The following NUP133 variants were observed in gnomAD, a reference collection of about 807,000 sequenced individuals.
The protein encoded by NUP133 is nuclear pore complex protein Nup133.
A neutral mutation model predicts 146.2 loss-of-function variants in NUP133; 66 were observed. The ratio of observed to expected loss-of-function variants is 0.45; its 90% CI spans 0.37 to 0.55. The LOEUF is 0.55. NUP133 is among the 20% of genes least tolerant of loss of function. The pLI, the probability that NUP133 is intolerant of heterozygous loss-of-function variation, is 0.00. For missense variants in NUP133, 1,277 were observed against 1,374.8 expected, an observed-to-expected ratio of 0.93 and a Z score of 1.12; for synonymous variants, 521 against 498.8, an observed-to-expected ratio of 1.04 and a Z score of -0.59.
chr1:229,487,272 T>C (rs1482738934), intron 10 of NUP133, among the ~76,000 whole-genome samples, 194 bp downstream of exon 10: 4 of 152,198 alleles, frequency 2.6e-5, no homozygotes, highest in Admixed American at 1.3e-4. Context: ...TCTGTAAATA[T>C]AATAGTTTGG....
At chr1:229,447,314 A>G (rs1432438866) in intron 24 of NUP133, among the ~76,000 whole-genome samples, 1 of 152,196 alleles carries the variant, frequency 6.6e-6, no homozygotes. Flanking sequence ...AATTTTCATA[A>G]TATGTATGTT....
chr1:229,447,081 G>A (rs1660318649), intron 24 of NUP133, among the ~76,000 whole-genome samples: 1 of 152,074 alleles, frequency 6.6e-6, no homozygotes, highest in African/African-American at 2.4e-5. Context: ...CCGAGACTGT[G>A]CCATTGCACT....
At chr1:229,463,366 C>T (rs899217237) in intron 19 of NUP133, among the ~76,000 whole-genome samples, 177 bp downstream of exon 19, 1 of 152,130 alleles carries the variant, frequency 6.6e-6, no homozygotes, top group Non-Finnish European at 1.5e-5. Context: ...TGTGATCTCG[C>T]TACTGGACAA....
At chr1:229,446,955 T>A (rs1183012013) in intron 24 of NUP133, among the ~76,000 whole-genome samples, 1 of 151,794 alleles carries the variant, frequency 6.6e-6, no homozygotes, top group Non-Finnish European at 1.5e-5. Context: ...AGAAACCCTG[T>A]CTCTACTAAA....
chr1:229,458,330 T>G, intron 20 of NUP133, 34 bp from the exon 21 acceptor site: 4 of 1,596,304 alleles, frequency 2.5e-6, no homozygotes, highest in Non-Finnish European at 3.4e-6. Context: ...CGTAAGATAC[T>G]GAGTACCAAT....
intron 5 of NUP133, 44 bp downstream of exon 5, chr1:229,499,640 A>T: frequency 1.9e-6 from 3 of 1,563,730 alleles, no homozygotes; most frequent in Non-Finnish European, 2.6e-6. Flanking sequence ...TTCCAAGCCA[A>T]ATCACAGCTT....
In NUP133 at chr1:229,508,215, C is replaced by A; in HGVS notation, c.35G>T (p.Gly12Val). The change falls in exon 1 of 26, where the codon GGT becomes GTT. Residue 12 changes from glycine (G) to valine (V), a missense_variant. Transcript: ENST00000261396. ...FPAAPSPRTP[G>V]TGSRRGPLAG... ...CAGCGGGCCCCTTCGGGACCCGGTACCCGGGGTCCGCGGAGAAGGGGCGGC... is the reference window on the plus strand; with the variant it reads ...CAGCGGGCCCCTTCGGGACCCGGTAACCGGGGTCCGCGGAGAAGGGGCGGC... 6.4e-7 allele frequency: 1 copy of A among 1,551,054 alleles called. No homozygotes were observed. Among genetic ancestry groups the A allele is most frequent in the African/African-American group, 1.4e-5 (1 of 71,928 alleles).
At chr1:229,479,930 C>G (rs1038245902) in intron 12 of NUP133, among the ~76,000 whole-genome samples, 3 of 152,128 alleles carry the variant, frequency 2.0e-5, no homozygotes, top group African/African-American at 7.2e-5. Flanking sequence ...AAAGACTGGT[C>G]TTTTTACAAA....
chr1:229,459,970 T>A (rs183666920), intron 20 of NUP133, among the ~76,000 whole-genome samples: 1 of 152,264 alleles, frequency 6.6e-6, no homozygotes, highest in African/African-American at 2.4e-5. Flanking sequence ...CTAACTTACA[T>A]CCCCACCAAG....
At chr1:229,471,435 G>A (rs979120154) in intron 14 of NUP133, among the ~76,000 whole-genome samples, 3 of 152,066 alleles carry the variant, frequency 2.0e-5, no homozygotes, top group African/African-American at 7.2e-5. Context: ...CCCTTTACTA[G>A]CTGTATCAAT....
Position 229,440,330 on chromosome 1 carries a change from A to T in NUP133, c.*1574T>A, listed in dbSNP as rs1170627647. 6.6e-6 allele frequency: 1 copy of T among 152,200 alleles called. No homozygotes were observed. Among genetic ancestry groups the T allele is most frequent in the Non-Finnish European group, 1.5e-5 (1 of 68,042 alleles). 9.4% of individuals were successfully genotyped at this position (152,200 alleles called of 1,614,324 possible). A position where few individuals can be genotyped will look rare whatever the true frequency, so the allele number is the denominator to read the frequency against. ...CAACCATTTGGGTGTAATAGCTACT[A>T]ACTTAGAGAGAAACAGGATTAAAAG... On this transcript the variant is annotated 3_prime_UTR_variant, in exon 26 of 26. Coordinates refer to ENST00000261396, the MANE Select transcript of NUP133 (RefSeq NM_018230.3).
intron 22 of NUP133, 28 bp from the exon 23 acceptor site, chr1:229,450,633 A>G (rs778821894): frequency 2.5e-6 from 3 of 1,184,876 alleles, no homozygotes; most frequent in Non-Finnish European, 3.7e-6. Context: ...AAGGTAGAAG[A>G]TTATACAATC....
At chr1:229,452,688 T>C in intron 21 of NUP133, 45 bp from the exon 22 acceptor site, 1 of 1,463,784 alleles carries the variant, frequency 6.8e-7, no homozygotes, top group East Asian at 2.3e-5. Flanking sequence ...ATGATGAAAT[T>C]TGACTTTTGC....
At position 229,502,046 on chromosome 1, in the gene NUP133, T is replaced by C. The variant is rs767525675; in HGVS notation, c.358A>G (p.Lys120Glu). ...ATCTTCCAAATAATGAGCTTCTCTT[T>C]GCACACCAGACAAGCCCATCCACCT... The part of the protein sequence containing the change: ...DEGGWACLVC[K>E]EKLIIWKIAL... The change falls in exon 3 of 26, where the codon AAA becomes GAA. Residue 120 changes from lysine (K) to glutamate (E), a missense_variant. Coordinates refer to ENST00000261396, the MANE Select transcript of NUP133 (RefSeq NM_018230.3). 1.2e-6 allele frequency: 2 copies of C among 1,614,082 alleles called. No individual in the cohort carries two copies. Among genetic ancestry groups the C allele is most frequent in the Admixed American group, 3.3e-5 (2 of 60,022 alleles).
chr1:229,463,388 A>T (rs1660734698), intron 19 of NUP133, among the ~76,000 whole-genome samples, 155 bp downstream of exon 19: 1 of 152,182 alleles, frequency 6.6e-6, no homozygotes, highest in South Asian at 2.1e-4. Context: ...ATTTACAAAG[A>T]AACGCGACAT....
chr1:229,463,638 C>T lies in NUP133; in HGVS notation c.2590G>A (p.Glu864Lys), dbSNP rs779558139. 1 of 1,614,030 alleles carries T rather than the reference C, an allele frequency of 6.2e-7. No individual in the cohort carries two copies. Among genetic ancestry groups the T allele is most frequent in the Non-Finnish European group, 8.5e-7 (1 of 1,179,996 alleles). ...GQYLWAASLA[E>K]KYCDFDILVQ... The stretch of plus-strand genomic sequence containing the variant: ...AATATATCAAAGTCACAGTATTTCT[C>T]TGCTAGAGAAGCAGCCCACAGGTAC... Residue 864 changes from glutamate (E) to lysine (K), a missense_variant, in exon 19 of 26, where the codon GAG becomes AAG. Physicochemically the swap from Glu to Lys is moderately conservative, Grantham distance 56. Around this residue, in one of 3 missense-constraint regions of NUP133, gnomAD observed 952 missense variants for 1,047.0 expected, o/e 0.91. Coordinates refer to ENST00000261396, the MANE Select transcript of NUP133 (RefSeq NM_018230.3).
intron 12 of NUP133, among the ~76,000 whole-genome samples, chr1:229,482,766 T>A (rs572078150): frequency 1.1e-4 from 17 of 152,228 alleles, no homozygotes; most frequent in African/African-American, 4.1e-4. Context: ...GCAAACGCCA[T>A]CCAAGCAAAG....
chr1:229,484,635 G>T (rs1661302699), intron 11 of NUP133, among the ~76,000 whole-genome samples: 2 of 152,088 alleles, frequency 1.3e-5, no homozygotes, highest in Non-Finnish European at 2.9e-5. Flanking sequence ...CTTTTTATAG[G>T]TTTGCTCTTA....
At chr1:229,456,700 T>C (rs982534738) in intron 21 of NUP133, among the ~76,000 whole-genome samples, 12 of 151,574 alleles carry the variant, frequency 7.9e-5, no homozygotes, top group Non-Finnish European at 1.2e-4. Flanking sequence ...GAAATACGTA[T>C]GTGTGTGTGT....
Sources: gnomAD v4.1 joint callset for allele counts (sites outside exome capture counted in the v4.1 genomes callset) on GRCh38, gnomAD v4.1.1 for gene constraint, gnomAD v4.1.1 regional missense constraint, MANE v1.5 for transcripts, NCBI Gene and HGNC (gene_info 2026-07-23, HGNC 2026-07-21) for gene names.